The following MALRD1 variants were observed in gnomAD, a reference collection of about 807,000 sequenced individuals.
MALRD1 encodes the protein MAM and LDL-receptor class A domain-containing protein 1.
MALRD1 carries 247 observed loss-of-function variants against 242.1 expected under a neutral mutation model. The observed-to-expected ratio is 1.02, with a 90% confidence interval of 0.92 to 1.13. The LOEUF (loss-of-function observed/expected upper bound fraction) is 1.13, where lower values mean the gene tolerates loss of function less well. Among genes scored for constraint, MALRD1 ranks in the 50% most tolerant of loss-of-function variants. The probability of loss-of-function intolerance (pLI) is 0.00; values close to 1 mark genes in which losing one functional copy is unlikely to be tolerated. For missense variants in MALRD1, 2,989 were observed against 2,533.1 expected (o/e 1.18, Z -3.86); for synonymous variants, 995 against 866.6 (o/e 1.15, Z -2.60).
intron 26 of MALRD1, among the ~76,000 whole-genome samples, chr10:19,355,434 TTAAAA>T (rs1335444519): frequency 6.6e-6 from 1 of 151,786 alleles, no homozygotes; most frequent in African/African-American, 2.4e-5. Flanking sequence ...ATTTATTACA[TTAAAA>T]TAAAAAAGAG....
At chr10:19,439,962 A>T (rs758879752) in intron 28 of MALRD1, among the ~76,000 whole-genome samples, 1 of 152,140 alleles carries the variant, frequency 6.6e-6, no homozygotes, top group Non-Finnish European at 1.5e-5. Flanking sequence ...TGTCTTAAAG[A>T]TCCATCTTGG....
At chr10:19,571,312 A>G (rs981345162) in intron 33 of MALRD1, among the ~76,000 whole-genome samples, 4 of 152,116 alleles carry the variant, frequency 2.6e-5, no homozygotes, top group East Asian at 3.8e-4. Context: ...TTTTTCTTCC[A>G]GTTGCCTTAA....
chr10:19,154,930 C>G (rs1834083613), intron 11 of MALRD1, 145 bp from the exon 12 acceptor site: 2 of 406,536 alleles, frequency 4.9e-6, no homozygotes, highest in Non-Finnish European at 4.2e-6. Flanking sequence ...TATTTGTTAT[C>G]TACAAACCAT....
chr10:19,196,398 A>G (rs1836249779), intron 14 of MALRD1, among the ~76,000 whole-genome samples: 1 of 152,160 alleles, frequency 6.6e-6, no homozygotes. Context: ...CATTCAACAG[A>G]AACTGTTCTT....
chr10:19,385,475 G>C (rs1043838620), intron 26 of MALRD1, among the ~76,000 whole-genome samples: 1 of 151,998 alleles, frequency 6.6e-6, no homozygotes, highest in Non-Finnish European at 1.5e-5. Context: ...TTAGTAGGCT[G>C]TAGGAATTTC....
chr10:19,671,573 G>T lies in MALRD1; in HGVS notation c.6138-20709G>T, dbSNP rs145698259. On this transcript the variant is annotated intron_variant, in intron 36 of 39. Transcript: ENST00000454679. ...GCGGAGGATAGAGTGAGCTGAGATG[G>T]CACCACTGCACTCCAGCACTCCAGT... Among the ~76,000 whole-genome samples, 198 of 151,806 alleles carry T rather than the reference G, an allele frequency of 1.3e-3. 1 individual carries two copies. The highest frequency in any genetic ancestry group is 4.6e-3 in the African/African-American group (192 of 41,404).
At chr10:19,667,284 C>T (rs115916108) in intron 36 of MALRD1, among the ~76,000 whole-genome samples, 76 of 151,926 alleles carry the variant, frequency 5.0e-4, no homozygotes, top group African/African-American at 1.7e-3. Context: ...ATGGAGATCT[C>T]GTCTCTATTT....
chr10:19,142,973 A>G (rs1373074936), intron 10 of MALRD1, among the ~76,000 whole-genome samples: 1 of 152,246 alleles, frequency 6.6e-6, no homozygotes, highest in African/African-American at 2.4e-5. Context: ...TTACGTGTAC[A>G]GGAACACATT....
intron 18 of MALRD1, among the ~76,000 whole-genome samples, chr10:19,231,507 G>T (rs148006352): frequency 6.6e-6 from 1 of 152,152 alleles, no homozygotes; most frequent in African/African-American, 2.4e-5. Context: ...TGTCAAGGAC[G>T]GAGTCAGGTG....
chr10:19,696,974 A>G (rs910391409), intron 38 of MALRD1, among the ~76,000 whole-genome samples: 1 of 152,178 alleles, frequency 6.6e-6, no homozygotes, highest in African/African-American at 2.4e-5. Flanking sequence ...TGAGCCTACA[A>G]TATGCTAGAC....
intron 21 of MALRD1, among the ~76,000 whole-genome samples, chr10:19,308,194 CA>C (rs1842299072): frequency 6.6e-6 from 1 of 151,294 alleles, no homozygotes; most frequent in Non-Finnish European, 1.5e-5. Context: ...CTACCTTTTC[CA>C]GCCTCTGGTA....
intron 29 of MALRD1, among the ~76,000 whole-genome samples, chr10:19,484,258 C>A (rs547572439): frequency 6.6e-6 from 1 of 152,088 alleles, no homozygotes; most frequent in African/African-American, 2.4e-5. Flanking sequence ...GTGCCATGTG[C>A]CCTGTGAATC....
At chr10:19,595,645 G>C (rs566018684) in intron 34 of MALRD1, among the ~76,000 whole-genome samples, 188 bp downstream of exon 34, 18 of 152,176 alleles carry the variant, frequency 1.2e-4, no homozygotes, top group African/African-American at 4.3e-4. Context: ...GCAACACCCC[G>C]TTTGTGGTCA....
chr10:19,237,621 T>C (rs2131722242), intron 18 of MALRD1, among the ~76,000 whole-genome samples: 1 of 17,002 alleles, frequency 5.9e-5, no homozygotes, highest in South Asian at 2.2e-3. Flanking sequence ...ATTATATAAT[T>C]ATATAATTAT....
At chr10:19,261,549 G>A (rs1344630301) in intron 19 of MALRD1, among the ~76,000 whole-genome samples, 1 of 151,204 alleles carries the variant, frequency 6.6e-6, no homozygotes, top group African/African-American at 2.4e-5. Flanking sequence ...TCACTAAGGG[G>A]CATTGATTTC....
intron 28 of MALRD1, among the ~76,000 whole-genome samples, chr10:19,444,045 C>A (rs1406980602): frequency 1.3e-5 from 2 of 152,156 alleles, no homozygotes; most frequent in African/African-American, 2.4e-5. Context: ...TTGAACTGAT[C>A]CCTTTATCGT....
intron 29 of MALRD1, among the ~76,000 whole-genome samples, chr10:19,481,709 A>T (rs958191958): frequency 6.6e-6 from 1 of 152,138 alleles, no homozygotes; most frequent in African/African-American, 2.4e-5. Flanking sequence ...TTTATAAATA[A>T]GGAAACTCAA....
chr10:19,673,659 GAACA>G lies in MALRD1; in HGVS notation c.6138-18618_6138-18615del, dbSNP rs375057648. 1.5e-3 allele frequency among the ~76,000 whole-genome samples: 231 copies of G among 152,150 alleles called. 1 individual carries two copies. The highest frequency in any genetic ancestry group is 5.1e-3 in the African/African-American group (212 of 41,526). ...ATTACCTTTTCCTGAAACTTGGAAAGAACAAACAGCCAAATAGCCTAGATTGAAG... is the reference window on the plus strand; with the variant it reads ...ATTACCTTTTCCTGAAACTTGGAAAGAACAGCCAAATAGCCTAGATTGAAG... On this transcript the variant is annotated intron_variant, in intron 36 of 39. Transcript: ENST00000454679.
chr10:19,254,335 A>G (rs1839416493), intron 18 of MALRD1, among the ~76,000 whole-genome samples: 2 of 151,888 alleles, frequency 1.3e-5, no homozygotes, highest in South Asian at 2.1e-4. Context: ...ATATACTGCA[A>G]TTTGCTTATC....
Sources: allele counts gnomAD v4.1 joint callset (sites outside exome capture counted in the v4.1 genomes callset), GRCh38; gene constraint gnomAD v4.1.1; transcripts MANE v1.5; gene names NCBI Gene and HGNC (gene_info 2026-07-23, HGNC 2026-07-21).